Variants in CD1A observed in about 807,000 individuals in gnomAD.
CD1A encodes the protein CD1a molecule.
A neutral mutation model predicts 38.3 loss-of-function variants in CD1A; 50 were observed. The observed-to-expected ratio is 1.30, with a 90% CI of 1.04 to 1.65. CD1A has a LOEUF of 1.65. Among genes scored for constraint, CD1A ranks in the 40% most tolerant of loss-of-function variants. The pLI is 0.00. For synonymous variants in CD1A, 160 were observed against 150.8 expected, an observed-to-expected ratio of 1.06 and a Z score of -0.45; for missense variants, 459 against 406.1, an observed-to-expected ratio of 1.13 and a Z score of -1.12.
intron 2 of CD1A, 40 bp downstream of exon 2, chr1:158,255,390 G>C: frequency 1.3e-6 from 2 of 1,594,500 alleles, no homozygotes; most frequent in Non-Finnish European, 1.7e-6. Flanking sequence ...TGAGGTGGGA[G>C]AGAGGGGTTG....
intron 2 of CD1A, 120 bp from the exon 3 acceptor site, chr1:158,255,884 C>A: frequency 9.6e-7 from 1 of 1,043,664 alleles, no homozygotes; most frequent in Non-Finnish European, 1.4e-6. Context: ...CTGACCAAAC[C>A]AAATTTTATT....
chr1:158,257,159 A>C (rs1406636661), intron 4 of CD1A, 95 bp downstream of exon 4: 1 of 1,435,004 alleles, frequency 7.0e-7, no homozygotes, highest in African/African-American at 1.4e-5. Context: ...TTTAGGGATT[A>C]TAGCCCAAAC....
chr1:158,256,786 T>A lies in CD1A; in HGVS notation c.605T>A (p.Val202Glu), dbSNP rs1351570586. 2 of 1,613,780 alleles carry A rather than the reference T, an allele frequency of 1.2e-6. No individual in the cohort carries two copies. Among genetic ancestry groups the A allele is most frequent in the Non-Finnish European group, 1.7e-6 (2 of 1,179,714 alleles). ...DAGKAHLQRQ[V>E]KPEAWLSHGP... Reference sequence around the variant, plus strand: ...TGAATATCTTTTCTGTCCTTTGCAGTGAAGCCCGAGGCCTGGCTGTCCCAT... The same window carrying A: ...TGAATATCTTTTCTGTCCTTTGCAGAGAAGCCCGAGGCCTGGCTGTCCCAT... The change falls in exon 4 of 6, where the codon GTG becomes GAG. Residue 202 changes from valine to glutamate, a missense_variant and splice_region_variant. Physicochemically the swap from Val to Glu is moderately radical, Grantham distance 121 (BLOSUM62 -2). Transcript: ENST00000289429.
At chr1:158,254,755 G>A in intron 1 of CD1A, 28 bp downstream of exon 1, 5 of 1,497,522 alleles carry the variant, frequency 3.3e-6, no homozygotes, top group Non-Finnish European at 3.7e-6. Context: ...TGCCCAGTTG[G>A]GTGGTGGGTG....
At position 158,257,525 on chromosome 1, in the gene CD1A, A is replaced by C. The variant is rs1381839861; in HGVS notation, c.974+14A>C. On this transcript the variant is annotated intron_variant, in intron 5 of 5. Coordinates refer to ENST00000289429, the MANE Select transcript of CD1A (RefSeq NM_001763.3). ...CAGGAAACGCTGGTGAGTTCTTTGC[A>C]TGTGTCTTTCCTACTCTTAGCCTCT... 1 of 1,609,446 alleles carries C rather than the reference A, an allele frequency of 6.2e-7. No homozygotes were observed. Among genetic ancestry groups the C allele is most frequent in the Non-Finnish European group, 8.5e-7 (1 of 1,175,898 alleles).
chr1:158,256,152 CA>C lies in CD1A; in HGVS notation c.476del (p.Lys159SerfsTer16). ...LPYPVAGNMA[K>X]HFCKVLNQNQ... ...CATATCCAGTGGCTGGGAATATGGC[CA>C]AGCATTTCTGCAAAGTGCTCAATCA... is the stretch of plus-strand genomic sequence containing the variant. On this transcript the variant is annotated frameshift_variant, in exon 3 of 6. Transcript: ENST00000289429. LOFTEE classifies it high-confidence loss of function. The C allele has an allele frequency of 1.2e-6, 2 of 1,614,080 alleles. No individual in the cohort carries two copies. The highest frequency in any genetic ancestry group is 1.7e-6 in the Non-Finnish European group (2 of 1,180,000).
chr1:158,250,341 G>A (rs1246872289), upstream of CD1A, among the ~76,000 whole-genome samples: 2 of 151,998 alleles, frequency 1.3e-5, no homozygotes, highest in African/African-American at 4.8e-5. Context: ...AGTTTTTTTT[G>A]GCTCATTTGA....
intron 2 of CD1A, 24 bp from the exon 3 acceptor site, chr1:158,255,980 C>T (rs1304018899): frequency 1.3e-6 from 2 of 1,592,560 alleles, no homozygotes; most frequent in Admixed American, 1.8e-5. Context: ...TTTTCTCCCT[C>T]TTTCCTCTAT....
Position 158,256,842 on chromosome 1 carries a change from C to G in CD1A, c.661C>G (p.Leu221Val), listed in dbSNP as rs1301802439. ...CAGTCCTGGCCCTGGCCATCTGCAG[C>G]TTGTGTGCCATGTCTCAGGATTCTA... ...GPSPGPGHLQ[L>V]VCHVSGFYPK... The change falls in exon 4 of 6, where the codon CTT becomes GTT. Residue 221 changes from leucine to valine, a missense_variant. Leu to Val is a conservative substitution (Grantham distance 32). Transcript: ENST00000289429. 6.2e-7 allele frequency: 1 copy of G among 1,614,102 alleles called. No homozygotes were observed. The highest frequency in any genetic ancestry group is 1.1e-5 in the South Asian group (1 of 91,082).
At position 158,256,793 on chromosome 1, in the gene CD1A, C is replaced by G. The variant is rs138701701; in HGVS notation, c.612C>G (p.Pro204=). ...GKAHLQRQVK[P]EAWLSHGPSP... ...CTTTTCTGTCCTTTGCAGTGAAGCC[C>G]GAGGCCTGGCTGTCCCATGGCCCCA... Residue 204 remains proline (P), a synonymous_variant, in exon 4 of 6, where the codon CCC becomes CCG. Coordinates refer to ENST00000289429, the MANE Select transcript of CD1A (RefSeq NM_001763.3). The G allele has an allele frequency of 6.2e-7, 1 of 1,613,896 alleles. No individual in the cohort carries two copies. The highest frequency in any genetic ancestry group is 8.5e-7 in the Non-Finnish European group (1 of 1,179,824).
rs1356632715 is a variant in CD1A at position 158,257,436 on chromosome 1, T to C, written c.899T>C (p.Val300Ala). The change falls in exon 5 of 6, where the codon GTG (valine) becomes GCG (alanine). Residue 300 changes from valine to alanine, a missense_variant. By Grantham distance (64) the Val-to-Ala change is moderately conservative. Transcript: ENST00000289429. ...IVLYWEHHSS[V>A]GFIILAVIVP... ...AAATTCACAGAGCATCACAGTTCCG[T>C]GGGCTTCATCATCTTGGCGGTGATA... 2 of 1,613,866 alleles carry C rather than the reference T, an allele frequency of 1.2e-6. No individual in the cohort carries two copies. The highest frequency in any genetic ancestry group is 1.7e-6 in the Non-Finnish European group (2 of 1,179,836).
chr1:158,256,642 A>G (rs1650265236), intron 3 of CD1A, 144 bp from the exon 4 acceptor site: 2 of 938,974 alleles, frequency 2.1e-6, no homozygotes, highest in Non-Finnish European at 3.2e-6. Context: ...ATGCCACTGC[A>G]TTGCAGCATA....
In CD1A at chr1:158,254,559, T is replaced by C; in HGVS notation, c.-111T>C. On this transcript the variant is annotated 5_prime_UTR_variant, in exon 1 of 6. Transcript: ENST00000289429. The stretch of plus-strand genomic sequence containing the variant: ...CTTTGTTGCAGTCAGGGGAGGTTTG[T>C]CTGTTGGCTGCAGAAAGAAGTCAGA... 3 of 1,579,120 alleles carry C rather than the reference T, an allele frequency of 1.9e-6. No individual in the cohort carries two copies. The East Asian group carries it at 6.8e-5, about 36-fold the overall frequency.
rs139349958 is a variant in CD1A, at chr1:158,255,321, G to A, written c.296G>A (p.Arg99His). 12 of 1,613,960 alleles carry A rather than the reference G, an allele frequency of 7.4e-6. No individual in the cohort carries two copies. The highest frequency in any genetic ancestry group is 5.3e-5 in the African/African-American group (4 of 74,908). ...ACCATTCGGTCATTTGAGGGAATTC[G>A]TAGATACGCCCATGAATTGCAGTTT... is the stretch of plus-strand genomic sequence containing the variant. ...IRTIRSFEGI[R>H]RYAHELQFEY... The change falls in exon 2 of 6, where the codon CGT becomes CAT. Residue 99 changes from arginine to histidine, a missense_variant. By Grantham distance (29) the Arg-to-His change is conservative (BLOSUM62 0). Coordinates refer to ENST00000289429, the MANE Select transcript of CD1A (RefSeq NM_001763.3).
chr1:158,252,499 T>C (rs535208600), upstream of CD1A, among the ~76,000 whole-genome samples: 1 of 152,366 alleles, frequency 6.6e-6, no homozygotes, highest in South Asian at 2.1e-4. Context: ...TCTTTCTTTA[T>C]ATTTTGGGTT....
chr1:158,249,328 G>A, the CD1A span, among the ~76,000 whole-genome samples: 14 of 152,136 alleles, frequency 9.2e-5, no homozygotes, highest in Non-Finnish European at 1.9e-4. Context: ...TCGGAGGCTG[G>A]GAAGTCCAAG....
chr1:158,257,497 G>A lies in CD1A; in HGVS notation c.960G>A (p.Trp320Ter). 6.2e-7 allele frequency: 1 copy of A among 1,613,814 alleles called. No homozygotes were observed. The change falls in exon 5 of 6, where the codon TGG (tryptophan) becomes TGA (stop). Residue 320 changes from tryptophan to a stop codon, truncating the protein, a stop_gained. Coordinates refer to ENST00000289429, the MANE Select transcript of CD1A (RefSeq NM_001763.3). LOFTEE classifies it low-confidence loss of function (END_TRUNC). ...TTCTTCTGATAGGTCTTGCGCTTTG[G>A]TTCAGGAAACGCTGGTGAGTTCTTT... is the stretch of plus-strand genomic sequence containing the variant. ...PLLLLIGLALWFRKRCFC is the reference protein window; with the variant it reads ...PLLLLIGLAL
chr1:158,249,322 A>G, the CD1A span, among the ~76,000 whole-genome samples: 1 of 152,162 alleles, frequency 6.6e-6, no homozygotes, highest in Non-Finnish European at 1.5e-5. Flanking sequence ...ACAGTTTCGG[A>G]GGCTGGGAAG....
At chr1:158,254,184 C>G (rs1437390633), upstream of CD1A, 3 of 996,382 alleles carry the variant, frequency 3.0e-6, no homozygotes, top group African/African-American at 1.8e-5. Flanking sequence ...AATGTTAAAT[C>G]AGAAATGTGA....
Sources: allele counts gnomAD v4.1 joint callset (sites outside exome capture counted in the v4.1 genomes callset), GRCh38; gene constraint gnomAD v4.1.1; transcripts MANE v1.5; gene names NCBI Gene and HGNC (gene_info 2026-07-23, HGNC 2026-07-21).